Variants in LIN28B observed in about 807,000 individuals in gnomAD.
LIN28B encodes protein lin-28 homolog B.
LIN28B carries 5 observed loss-of-function variants against 21.9 expected under a neutral mutation model. The ratio of observed to expected loss-of-function variants is 0.23; its 90% CI spans 0.12 to 0.48. The LOEUF (loss-of-function observed/expected upper bound fraction) is 0.48, where lower values mean the gene tolerates loss of function less well. Among genes scored for constraint, LIN28B ranks in the 20% least tolerant of loss-of-function variants. LIN28B has a pLI of 0.98. For synonymous variants in LIN28B, 109 were observed against 111.3 expected, an observed-to-expected ratio of 0.98 and a Z score of 0.13; for missense variants, 245 against 310.5, an observed-to-expected ratio of 0.79 and a Z score of 1.58.
intron 2 of LIN28B, 85 bp from the exon 3 acceptor site, chr6:105,026,212 CT>C (rs1490018265): frequency 1.4e-6 from 1 of 694,916 alleles, no homozygotes; most frequent in African/African-American, 1.8e-5. Context: ...GAGTATCTTT[CT>C]TTTTTAAAAT....
chr6:104,996,243 A>G (rs867605710), intron 2 of LIN28B, among the ~76,000 whole-genome samples: 2 of 152,210 alleles, frequency 1.3e-5, no homozygotes, highest in South Asian at 2.1e-4. Flanking sequence ...ATTCTTATCT[A>G]GAAAGAGGAA....
chr6:104,957,606 A>AC (rs1169867260), intron 1 of LIN28B, among the ~76,000 whole-genome samples: 1 of 152,022 alleles, frequency 6.6e-6, no homozygotes, highest in Admixed American at 6.6e-5. Context: ...ATTGAAAGTT[A>AC]TGGGGGGGAG....
chr6:104,961,966 C>T (rs1185682268), intron 2 of LIN28B, among the ~76,000 whole-genome samples: 1 of 152,054 alleles, frequency 6.6e-6, no homozygotes, highest in African/African-American at 2.4e-5. Context: ...CAACGTTAAC[C>T]TAATAACTAC....
intron 1 of LIN28B, 120 bp downstream of exon 1, chr6:104,957,380 T>G: frequency 3.5e-6 from 2 of 565,706 alleles, no homozygotes; most frequent in Non-Finnish European, 6.1e-6. Context: ...TACTGGGCAT[T>G]ACCTCCCAAC....
intron 2 of LIN28B, chr6:104,939,666 G>C (rs1351773999): frequency 6.6e-6 from 1 of 152,194 alleles, no homozygotes; most frequent in African/African-American, 2.4e-5. Flanking sequence ...GCCTTTATTA[G>C]TTACTTTCAA....
At chr6:105,001,878 T>C (rs1445956541) in intron 2 of LIN28B, among the ~76,000 whole-genome samples, 1 of 152,180 alleles carries the variant, frequency 6.6e-6, no homozygotes, top group Non-Finnish European at 1.5e-5. Flanking sequence ...AGTATTCAAA[T>C]ATTAGAAAGT....
chr6:105,061,138 A>G (rs1161311474), intron 3 of LIN28B, among the ~76,000 whole-genome samples: 2 of 152,236 alleles, frequency 1.3e-5, no homozygotes, highest in Non-Finnish European at 2.9e-5. Flanking sequence ...AGTCTACTTT[A>G]TCATTTCCTT....
At chr6:104,997,437 G>C (rs1231812084) in intron 2 of LIN28B, among the ~76,000 whole-genome samples, 2 of 151,752 alleles carry the variant, frequency 1.3e-5, no homozygotes, top group African/African-American at 4.8e-5. Flanking sequence ...AGGAAGAAAA[G>C]AATAAAAAAT....
In LIN28B at chr6:105,080,084, C is replaced by CT. The variant is rs1396176832; in HGVS notation, c.*1302dup. ...CCTTCAATGCTTATTCTGAAGTAAC[C>CT]TATATGGTGGATACAGGATGAACAT... On this transcript the variant is annotated 3_prime_UTR_variant, in exon 4 of 4. Transcript: ENST00000345080. The CT allele has an allele frequency of 6.6e-6, 1 of 152,250 alleles. No homozygotes were observed. The highest frequency in any genetic ancestry group is 1.5e-5 in the Non-Finnish European group (1 of 68,026). 9.4% of individuals were successfully genotyped at this position (152,250 alleles called of 1,614,324 possible).
intron 2 of LIN28B, among the ~76,000 whole-genome samples, chr6:104,949,749 A>G (rs1466092369): frequency 3.3e-5 from 5 of 152,154 alleles, no homozygotes; most frequent in African/African-American, 4.8e-5. Flanking sequence ...CAATCACTAT[A>G]CTTGATTACT....
At position 105,078,994 on chromosome 6, in the gene LIN28B, G is replaced by A. The variant is rs1200898542; in HGVS notation, c.*211G>A. 7.3e-6 allele frequency: 4 copies of A among 550,122 alleles called. No individual in the cohort carries two copies. In the Admixed American group the frequency reaches 1.3e-4, roughly 18 times the overall value. The allele number at this position is 550,122 out of a possible 1,614,324, so 34.1% of individuals were successfully genotyped here. A position where few individuals can be genotyped will look rare whatever the true frequency, so the allele number is the denominator to read the frequency against. Reference sequence around the variant, plus strand: ...GTTAATTCAGAGAATAAGATACTATGTCTGTCAATATGTGCATGTGTGAGA... The same window carrying A: ...GTTAATTCAGAGAATAAGATACTATATCTGTCAATATGTGCATGTGTGAGA... On this transcript the variant is annotated 3_prime_UTR_variant, in exon 4 of 4. Coordinates refer to ENST00000345080, the MANE Select transcript of LIN28B (RefSeq NM_001004317.4).
At chr6:105,021,873 A>G (rs897596310) in intron 2 of LIN28B, among the ~76,000 whole-genome samples, 2 of 152,170 alleles carry the variant, frequency 1.3e-5, no homozygotes, top group South Asian at 4.1e-4. Flanking sequence ...CTTACCAAGT[A>G]AGATTTTAAT....
upstream of LIN28B, among the ~76,000 whole-genome samples, chr6:104,953,507 T>C (rs1205408560): frequency 6.6e-6 from 1 of 152,182 alleles, no homozygotes; most frequent in African/African-American, 2.4e-5. Flanking sequence ...ATTTCTTTTG[T>C]TTGGTGTTCT....
intron 2 of LIN28B, among the ~76,000 whole-genome samples, chr6:105,015,265 T>G (rs1234289009): frequency 6.6e-6 from 1 of 152,198 alleles, no homozygotes; most frequent in African/African-American, 2.4e-5. Context: ...TTTTTAAAAA[T>G]TCCATTATGA....
rs1772495205 is a variant in LIN28B at position 105,079,331 on chromosome 6, T to C, written c.*548T>C. The C allele has an allele frequency of 6.6e-6, 1 of 152,464 alleles. No homozygotes were observed. Among genetic ancestry groups the C allele is most frequent in the South Asian group, 2.1e-4 (1 of 4,820 alleles). 9.4% of individuals were successfully genotyped at this position (152,464 alleles called of 1,614,324 possible). A position where few individuals can be genotyped will look rare whatever the true frequency, so the allele number is the denominator to read the frequency against. On this transcript the variant is annotated 3_prime_UTR_variant, in exon 4 of 4. Transcript: ENST00000345080. ...GCTGCCAATTATGGGGTACTAAAGG[T>C]TTTTAAGACATCCAGTTCTCCCGAA...
intron 2 of LIN28B, among the ~76,000 whole-genome samples, chr6:105,022,453 T>C (rs1771159870): frequency 6.6e-6 from 1 of 152,136 alleles, no homozygotes; most frequent in Admixed American, 6.6e-5. Flanking sequence ...TAAAGAAATA[T>C]AATTGGACAA....
chr6:105,014,575 A>G (rs1020778093), intron 2 of LIN28B, among the ~76,000 whole-genome samples: 1 of 152,094 alleles, frequency 6.6e-6, no homozygotes, highest in Non-Finnish European at 1.5e-5. Flanking sequence ...TGCCCACCTC[A>G]GCTTCCTGAA....
At chr6:104,986,455 C>A (rs553699483) in intron 2 of LIN28B, among the ~76,000 whole-genome samples, 1 of 151,304 alleles carries the variant, frequency 6.6e-6, no homozygotes, top group South Asian at 2.1e-4. Context: ...TCTCCAATCT[C>A]ATTTTTTTCC....
At chr6:105,033,047 GA>G (rs1771456024) in intron 3 of LIN28B, among the ~76,000 whole-genome samples, 2 of 152,014 alleles carry the variant, frequency 1.3e-5, no homozygotes, top group Non-Finnish European at 2.9e-5. Context: ...TAATTTGAAT[GA>G]AGATGATTTA....
Sources: gnomAD v4.1 joint callset for allele counts (sites outside exome capture counted in the v4.1 genomes callset) on GRCh38, gnomAD v4.1.1 for gene constraint, MANE v1.5 for transcripts, NCBI Gene and HGNC (gene_info 2026-07-23, HGNC 2026-07-21) for gene names.